FN1: variants seen among roughly 807,000 people sequenced by gnomAD.
FN1 encodes fibronectin 1, also known as fibronectin.
FN1 carries 106 observed loss-of-function variants against 297.3 expected under a neutral mutation model. The observed-to-expected ratio is 0.36, with a 90% CI of 0.30 to 0.42. FN1 has a LOEUF of 0.42. FN1 is among the 10% of genes least tolerant of loss of function. The pLI is 1.00. For synonymous variants in FN1, 1,149 were observed against 1,152.6 expected (o/e 1.00, Z 0.06); for missense variants, 2,690 against 3,124.9 (o/e 0.86, Z 3.32).
At chr2:215,411,737 G>A (rs2062669493) in intron 13 of FN1, among the ~76,000 whole-genome samples, 2 of 150,554 alleles carry the variant, frequency 1.3e-5, no homozygotes. Context: ...CGTGATCCTG[G>A]CTCACTGCAA....
At position 215,408,196 on chromosome 2, in the gene FN1, C is replaced by A. The variant is rs751168230; in HGVS notation, c.2430G>T (p.Ala810=). The part of the protein sequence containing the change: ...SLILSTSQTT[A]PDAPPDTTVD... ...CAGTCGTGTCAGGAGGGGCATCAGGCGCTAAGAAAGAAAGAAAGTGGGGCA... is the reference window on the plus strand; with the variant it reads ...CAGTCGTGTCAGGAGGGGCATCAGGAGCTAAGAAAGAAAGAAAGTGGGGCA... The change falls in exon 17 of 46, where the codon GCG becomes GCT. Residue 810 remains alanine, a splice_region_variant and synonymous_variant. Coordinates refer to ENST00000354785, the MANE Select transcript of FN1 (RefSeq NM_212482.4). The A allele has an allele frequency of 2.5e-6, 4 of 1,613,660 alleles. No individual in the cohort carries two copies. The highest frequency in any genetic ancestry group is 2.2e-5 in the South Asian group (2 of 91,074).
chr2:215,435,907 G>T lies in FN1; in HGVS notation c.-105C>A, dbSNP rs1373501130. The T allele has an allele frequency of 1.4e-6, 2 of 1,460,434 alleles. No homozygotes were observed. The highest frequency in any genetic ancestry group is 1.8e-6 in the Non-Finnish European group (2 of 1,107,640). The allele number at this position is 1,460,434 out of a possible 1,614,324, so 90.5% of individuals were successfully genotyped here. ...AAATCCCTTCTAATGCCTCCCGGGG[G>T]TTGTCGCCTCCAAGAAGGTGGGGGC... On this transcript the variant is annotated 5_prime_UTR_variant, in exon 1 of 46. Coordinates refer to ENST00000354785, the MANE Select transcript of FN1 (RefSeq NM_212482.4).
rs566571311 is a variant in FN1, at chr2:215,403,732, A to T, written c.3253+657T>A. On this transcript the variant is annotated intron_variant, in intron 20 of 45. Transcript: ENST00000354785. ...AAAAGGATAGACATGACCAAAAATT[A>T]TTGTTAGTATTTTTCTCCTCTGAGG... is the stretch of plus-strand genomic sequence containing the variant. Among the ~76,000 whole-genome samples the T allele has an allele frequency of 3.4e-4, 52 of 152,302 alleles. 1 individual carries two copies. The highest frequency in any genetic ancestry group is 1.2e-3 in the African/African-American group (49 of 41,576).
At chr2:215,398,506 G>A (rs1407298396) in intron 21 of FN1, among the ~76,000 whole-genome samples, 3 of 152,122 alleles carry the variant, frequency 2.0e-5, no homozygotes, top group Non-Finnish European at 4.4e-5. Flanking sequence ...ATTATTAAGG[G>A]AATTAAAAGG....
intron 39 of FN1, 165 bp from the exon 40 acceptor site, chr2:215,372,540 A>G (rs1199359993): frequency 1.5e-6 from 1 of 660,162 alleles, no homozygotes; most frequent in Non-Finnish European, 2.7e-6. Context: ...CCAGAAAGAA[A>G]TCTTTAGGAT....
Position 215,425,194 on chromosome 2 carries a change from ACTGT to A in FN1, c.932_935del (p.Asp311ValfsTer12). The A allele has an allele frequency of 6.2e-7, 1 of 1,614,058 alleles. No homozygotes were observed. Among genetic ancestry groups the A allele is most frequent in the Non-Finnish European group, 8.5e-7 (1 of 1,179,932 alleles). On this transcript the variant is annotated frameshift_variant, in exon 7 of 46. Coordinates refer to ENST00000354785, the MANE Select transcript of FN1 (RefSeq NM_212482.4). LOFTEE classifies it high-confidence loss of function. ...GCATCCCCACAGAGTAGACCACACC[ACTGT>A]CTGTGACACAGTGGCCATAGGGAGG...
At chr2:215,432,008 T>TG in intron 3 of FN1, 44 bp from the exon 4 acceptor site, 1 of 748,212 alleles carries the variant, frequency 1.3e-6, no homozygotes, top group East Asian at 6.2e-5. Context: ...GCAGAACAGA[T>TG]TTTTTTTTTT....
intron 32 of FN1, 42 bp from the exon 33 acceptor site, chr2:215,381,122 G>C: frequency 1.2e-6 from 2 of 1,604,142 alleles, no homozygotes; most frequent in Non-Finnish European, 8.5e-7. Context: ...TGAAAAGCAA[G>C]TTGTGAAATA....
intron 21 of FN1, among the ~76,000 whole-genome samples, chr2:215,398,202 T>C (rs2060536892): frequency 1.3e-5 from 2 of 152,244 alleles, no homozygotes; most frequent in Admixed American, 1.3e-4. Flanking sequence ...CTAGAAGGAA[T>C]GTCTGAGCTC....
At chr2:215,411,849 A>G (rs1190114592) in intron 13 of FN1, among the ~76,000 whole-genome samples, 1 of 151,832 alleles carries the variant, frequency 6.6e-6, no homozygotes, top group African/African-American at 2.4e-5. Context: ...TTGTATTTTT[A>G]ATAGAGACGG....
intron 17 of FN1, among the ~76,000 whole-genome samples, 196 bp from the exon 18 acceptor site, chr2:215,407,517 G>C (rs949073757): frequency 6.6e-6 from 1 of 152,186 alleles, no homozygotes; most frequent in South Asian, 2.1e-4. Context: ...AATAAGAACA[G>C]TCATGCGAAC....
chr2:215,413,201 C>G (rs1323283176), intron 13 of FN1, among the ~76,000 whole-genome samples: 2 of 152,132 alleles, frequency 1.3e-5, no homozygotes, highest in African/African-American at 2.4e-5. Flanking sequence ...CTCCCTGCAA[C>G]CTTTGCCTCC....
In FN1 at chr2:215,386,883, C is replaced by T. The variant is rs1377048525; in HGVS notation, c.4418G>A (p.Arg1473Gln). The change falls in exon 28 of 46, where the codon CGA (arginine) becomes CAA (glutamine). Residue 1473 changes from arginine to glutamine, a missense_variant. Arg to Gln is a conservative substitution (Grantham distance 43, BLOSUM62 1). Coordinates refer to ENST00000354785, the MANE Select transcript of FN1 (RefSeq NM_212482.4). ...NSFTVHWIAP[R>Q]ATITGYRIRH... ...GATCCTGTAGCCAGTGATGGTGGCT[C>T]GAGGAGCAATCCAGTGCACAGTAAA... is the stretch of plus-strand genomic sequence containing the variant. 10 of 1,613,370 alleles carry T rather than the reference C, an allele frequency of 6.2e-6. No homozygotes were observed. Among genetic ancestry groups the T allele is most frequent in the Non-Finnish European group, 8.5e-6 (10 of 1,179,822 alleles).
chr2:215,365,814 T>A lies in FN1; in HGVS notation c.7019-184A>T, dbSNP rs1029122898. On this transcript the variant is annotated intron_variant, in intron 42 of 45. Transcript: ENST00000354785. ...TTATTTATTTACTTTTTATTTTTTT[T>A]TTTTTTTTTGAGACAAAGTCTTTCT... 209 of 285,936 alleles carry A rather than the reference T, an allele frequency of 7.3e-4. 2 individuals carry two copies. The highest frequency in any genetic ancestry group is 1.4e-3 in the Admixed American group (28 of 19,560). The allele number at this position is 285,936 out of a possible 1,614,324, so 17.7% of individuals were successfully genotyped here. A position where few individuals can be genotyped will look rare whatever the true frequency, so the allele number is the denominator to read the frequency against.
chr2:215,371,074 C>T (rs1268951760), intron 40 of FN1, among the ~76,000 whole-genome samples: 1 of 152,022 alleles, frequency 6.6e-6, no homozygotes, highest in African/African-American at 2.4e-5. Context: ...TCGAGACCAT[C>T]CTGGCCAACA....
intron 23 of FN1, 146 bp downstream of exon 23, chr2:215,396,991 G>A (rs1204620925): frequency 4.1e-6 from 3 of 740,528 alleles, no homozygotes; most frequent in Non-Finnish European, 7.5e-6. Flanking sequence ...GCTCCATGAT[G>A]TACATCATGT....
chr2:215,410,184 G>A (rs2062399276), intron 13 of FN1, 70 bp from the exon 14 acceptor site: 2 of 1,459,030 alleles, frequency 1.4e-6, no homozygotes, highest in South Asian at 1.2e-5. Flanking sequence ...TGAAGATGAT[G>A]TTCAGTAATC....
rs765674786 is a variant in FN1 at position 215,406,394 on chromosome 2, C to T, written c.2830G>A (p.Val944Ile). Residue 944 changes from valine (V) to isoleucine (I), a missense_variant, in exon 19 of 46, where the codon GTC (valine) becomes ATC (isoleucine). Physicochemically the swap from Val to Ile is conservative, Grantham distance 29. Coordinates refer to ENST00000354785, the MANE Select transcript of FN1 (RefSeq NM_212482.4). ...TGCCCGTGCTCGCCAGGCAGGTTGA[C>T]GGGGATCACATCCACACGGTAGCCG... ...VTGYRVDVIP[V>I]NLPGEHGQRL... 9.3e-6 allele frequency: 15 copies of T among 1,614,152 alleles called. No homozygotes were observed. The highest frequency in any genetic ancestry group is 3.3e-5 in the Admixed American group (2 of 60,028).
chr2:215,391,428 T>A lies in FN1; in HGVS notation c.4252+204A>T, dbSNP rs940739. 0.32 allele frequency among the ~76,000 whole-genome samples: 48,819 copies of A among 152,132 alleles called. 9,238 individuals carry two copies. The highest frequency in any genetic ancestry group is 0.51 in the South Asian group (2,474 of 4,826). On this transcript the variant is annotated intron_variant, in intron 26 of 45. Coordinates refer to ENST00000354785, the MANE Select transcript of FN1 (RefSeq NM_212482.4). ...AGGTGTTTTTCCACTATGATTTTTT[T>A]AAAGCTGTAGATATCAAAAGTATAT...
Sources: gnomAD v4.1 joint callset for allele counts (sites outside exome capture counted in the v4.1 genomes callset) on GRCh38, gnomAD v4.1.1 for gene constraint, MANE v1.5 for transcripts, NCBI Gene and HGNC (gene_info 2026-07-23, HGNC 2026-07-21) for gene names.